The following DCHS2 variants were observed in gnomAD, a reference collection of about 807,000 sequenced individuals.
DCHS2 encodes dachsous cadherin-related 2.
A neutral mutation model predicts 182.4 loss-of-function variants in DCHS2; 142 were observed. That is an observed-to-expected ratio of 0.78 (90% CI 0.68 to 0.89). The LOEUF (loss-of-function observed/expected upper bound fraction) is 0.89. DCHS2 is among the 40% of genes least tolerant of loss of function. The pLI, the probability that DCHS2 is intolerant of heterozygous loss-of-function variation, is 0.00. For missense variants in DCHS2, 4,319 were observed against 4,198.6 expected (o/e 1.03, Z -0.79); for synonymous variants, 1,740 against 1,663.3 (o/e 1.05, Z -1.12).
chr4:154,257,256 AG>A (rs1392365729), intron 15 of DCHS2, among the ~76,000 whole-genome samples: 1 of 152,180 alleles, frequency 6.6e-6, no homozygotes, highest in African/African-American at 2.4e-5. Context: ...CAAAAAAAAA[AG>A]TGCTACAGAG....
intron 1 of DCHS2, among the ~76,000 whole-genome samples, chr4:154,446,029 T>G (rs1166222177): frequency 6.6e-6 from 1 of 152,196 alleles, no homozygotes; most frequent in African/African-American, 2.4e-5. Context: ...CTTGGAGAAC[T>G]TTTTAAAATA....
At position 154,259,284 on chromosome 4, in the gene DCHS2, C is replaced by T. The variant is rs142459520; in HGVS notation, c.6789+261G>A. On this transcript the variant is annotated intron_variant, in intron 15 of 19. Transcript: ENST00000357232. ...TTAATAAATGCATACTTCTAGTGCT[C>T]AACAGTACTCCTAGAGAAAGCAGAT... Among the ~76,000 whole-genome samples the T allele has an allele frequency of 2.6e-3, 399 of 152,182 alleles. 1 individual carries two copies. Among genetic ancestry groups the T allele is most frequent in the African/African-American group, 9.2e-3 (382 of 41,504 alleles).
intron 17 of DCHS2, 114 bp from the exon 18 acceptor site, chr4:154,240,937 C>T (rs1014886284): frequency 1.3e-5 from 19 of 1,440,672 alleles, no homozygotes; most frequent in Non-Finnish European, 1.7e-5. Flanking sequence ...TTTGCTCTTT[C>T]TTGGCTTGAT....
chr4:154,430,758 C>T (rs1458702317), intron 1 of DCHS2, among the ~76,000 whole-genome samples: 4 of 152,158 alleles, frequency 2.6e-5, no homozygotes, highest in Non-Finnish European at 5.9e-5. Flanking sequence ...TAGTACATTG[C>T]TTTTGGGGAT....
At chr4:154,446,269 T>C (rs1041190511) in intron 1 of DCHS2, among the ~76,000 whole-genome samples, 2 of 152,232 alleles carry the variant, frequency 1.3e-5, no homozygotes, top group African/African-American at 4.8e-5. Context: ...TGGAATTTCA[T>C]GAATCAATAC....
chr4:154,397,090 C>A (rs1731961665), intron 1 of DCHS2, among the ~76,000 whole-genome samples: 1 of 152,158 alleles, frequency 6.6e-6, no homozygotes, highest in African/African-American at 2.4e-5. Flanking sequence ...GTGCAGGAAG[C>A]ACAGGGGCAT....
Position 154,332,730 on chromosome 4 carries a change from C to T in DCHS2, c.3478G>A (p.Val1160Met), listed in dbSNP as rs1351678583. The T allele has an allele frequency of 6.2e-7, 1 of 1,614,102 alleles. No homozygotes were observed. Among genetic ancestry groups the T allele is most frequent in the African/African-American group, 1.3e-5 (1 of 74,942 alleles). ...YESTQTYNFR[V>M]FAWIPEDGFL... is the part of the protein sequence containing the mutation. ...CCGTCCTCGGGGATCCAAGCAAACA[C>T]TCTAAAATTATATGTTTGGGTGGAT... The change falls in exon 5 of 20, where the codon GTG (valine) becomes ATG (methionine). Residue 1160 changes from valine to methionine, a missense_variant. Val to Met is a conservative substitution (Grantham distance 21, BLOSUM62 1). Coordinates refer to ENST00000357232, the MANE Select transcript of DCHS2 (RefSeq NM_001358235.2).
At position 154,320,799 on chromosome 4, in the gene DCHS2, C is replaced by T; in HGVS notation, c.4600G>A (p.Ala1534Thr). The change falls in exon 9 of 20, where the codon GCC (alanine) becomes ACC (threonine). Residue 1534 changes from alanine (A) to threonine (T), a missense_variant. By Grantham distance (58) the Ala-to-Thr change is moderately conservative (BLOSUM62 0). Transcript: ENST00000357232. Reference protein sequence around the residue: ...PIGTLVYVFNAKDDDGSFLNS... With the variant: ...PIGTLVYVFNTKDDDGSFLNS... ...AAAAAACTGCCGTCATCATCTTTGG[C>T]ATTGAAGACATACACCAGGGTTCCT... 6.2e-7 allele frequency: 1 copy of T among 1,614,072 alleles called. No individual in the cohort carries two copies. Among genetic ancestry groups the T allele is most frequent in the Non-Finnish European group, 8.5e-7 (1 of 1,180,014 alleles).
Position 154,321,057 on chromosome 4 carries a change from T to G in DCHS2, c.4342A>C (p.Lys1448Gln). Residue 1448 changes from lysine to glutamine, a missense_variant, in exon 9 of 20, where the codon AAG (lysine) becomes CAG (glutamine). Coordinates refer to ENST00000357232, the MANE Select transcript of DCHS2 (RefSeq NM_001358235.2). ...CTGTCTATTTCAAAGTGTCCATCCT[T>G]ATCATCTGCAACAATACTAAAATGT... Reference protein sequence around the residue: ...KLHFSIVADDKDGHFEIDSST... With the variant: ...KLHFSIVADDQDGHFEIDSST... 1 of 1,611,792 alleles carries G rather than the reference T, an allele frequency of 6.2e-7. No individual in the cohort carries two copies. The highest frequency in any genetic ancestry group is 1.1e-5 in the South Asian group (1 of 90,984).
intron 3 of DCHS2, among the ~76,000 whole-genome samples, chr4:154,350,172 G>A (rs4696550): frequency 1 from 151,629 of 152,376 alleles, 75,444 homozygotes; most frequent in Middle Eastern, 1. Context: ...AGAAAGAACT[G>A]TAGCATGAGC....
intron 16 of DCHS2, among the ~76,000 whole-genome samples, chr4:154,246,570 A>AT (rs537336561): frequency 8.5e-4 from 130 of 152,164 alleles, no homozygotes; most frequent in African/African-American, 3.0e-3. Flanking sequence ...ATATAGACAA[A>AT]TAAAAAAAAG....
At chr4:154,323,272 T>C in intron 7 of DCHS2, 2 of 1,549,742 alleles carry the variant, frequency 1.3e-6, no homozygotes, top group Non-Finnish European at 1.7e-6. Flanking sequence ...TTTGTTTGTT[T>C]GTTTTTTGCA....
intron 13 of DCHS2, among the ~76,000 whole-genome samples, chr4:154,287,220 A>G (rs1326161061): frequency 1.3e-5 from 2 of 152,200 alleles, no homozygotes; most frequent in Non-Finnish European, 2.9e-5. Flanking sequence ...GAGTATTTCA[A>G]TCAGAAAGAA....
At chr4:154,344,432 T>A (rs1047123107) in intron 3 of DCHS2, among the ~76,000 whole-genome samples, 2 of 152,224 alleles carry the variant, frequency 1.3e-5, no homozygotes, top group African/African-American at 4.8e-5. Flanking sequence ...TCAGCAAATA[T>A]GCATATCTAT....
At chr4:154,329,781 G>A in intron 5 of DCHS2, 71 bp from the exon 6 acceptor site, 1 of 1,387,302 alleles carries the variant, frequency 7.2e-7, no homozygotes, top group South Asian at 1.4e-5. Flanking sequence ...ACCATTTCCA[G>A]AAGGAAAACC....
chr4:154,239,324 A>AG (rs1731689341), intron 18 of DCHS2, 22 bp from the exon 19 acceptor site: 1 of 1,611,296 alleles, frequency 6.2e-7, no homozygotes, highest in Admixed American at 1.7e-5. Context: ...AGAGAAAAAT[A>AG]GGGACATTGT....
intron 1 of DCHS2, among the ~76,000 whole-genome samples, chr4:154,470,514 G>C (rs1735419761): frequency 6.6e-6 from 1 of 151,262 alleles, no homozygotes; most frequent in Non-Finnish European, 1.5e-5. Flanking sequence ...TCAAACAGCT[G>C]TGACTAATAT....
At chr4:154,291,079 A>G (rs1734636711) in intron 13 of DCHS2, among the ~76,000 whole-genome samples, 1 of 152,280 alleles carries the variant, frequency 6.6e-6, no homozygotes, top group Admixed American at 6.5e-5. Context: ...AGAAGCTCAA[A>G]TAACTTTTTG....
intron 2 of DCHS2, among the ~76,000 whole-genome samples, chr4:154,366,791 G>A (rs892136780): frequency 6.6e-6 from 1 of 152,212 alleles, no homozygotes; most frequent in South Asian, 2.1e-4. Context: ...TAGAGCAGCT[G>A]TGAGGCAAAA....
Sources: allele counts gnomAD v4.1 joint callset (sites outside exome capture counted in the v4.1 genomes callset), GRCh38; gene constraint gnomAD v4.1.1; transcripts MANE v1.5; gene names NCBI Gene and HGNC (gene_info 2026-07-23, HGNC 2026-07-21).